PRKCE: variants seen among roughly 807,000 people sequenced by gnomAD.
The protein encoded by PRKCE is protein kinase C epsilon type.
PRKCE carries 16 observed loss-of-function variants against 85.4 expected under a neutral mutation model. That is an observed-to-expected ratio of 0.19 (90% CI 0.13 to 0.28). The LOEUF is 0.28. Among genes scored for constraint, PRKCE ranks in the 10% least tolerant of loss-of-function variants. PRKCE has a pLI of 1.00. For missense variants in PRKCE, 573 were observed against 975.2 expected, an observed-to-expected ratio of 0.59 and a Z score of 5.49; for synonymous variants, 388 against 371.5, an observed-to-expected ratio of 1.04 and a Z score of -0.51.
chr2:46,056,279 G>C (rs1041545442), intron 10 of PRKCE, among the ~76,000 whole-genome samples: 3 of 150,672 alleles, frequency 2.0e-5, no homozygotes, highest in Non-Finnish European at 4.4e-5. Context: ...TGGCTTTCAG[G>C]CCCATCAGTT....
At chr2:46,121,552 C>T (rs1412374219) in intron 11 of PRKCE, among the ~76,000 whole-genome samples, 2 of 152,072 alleles carry the variant, frequency 1.3e-5, no homozygotes, top group African/African-American at 4.8e-5. Context: ...ATAGAGGGGC[C>T]CATAGGGAAT....
intron 1 of PRKCE, among the ~76,000 whole-genome samples, chr2:45,740,791 A>G (rs1682493289): frequency 6.6e-6 from 1 of 152,194 alleles, no homozygotes; most frequent in Non-Finnish European, 1.5e-5. Flanking sequence ...TTCTGATTCT[A>G]CCTGGGTTCA....
chr2:45,976,341 A>G (rs2104531276), intron 2 of PRKCE, 88 bp from the exon 3 acceptor site: 1 of 1,451,300 alleles, frequency 6.9e-7, no homozygotes. Flanking sequence ...CCACTCCCCC[A>G]GGGATGGAGT....
intron 5 of PRKCE, among the ~76,000 whole-genome samples, chr2:45,983,750 T>C (rs1204341004): frequency 6.6e-6 from 1 of 152,076 alleles, no homozygotes; most frequent in African/African-American, 2.4e-5. Flanking sequence ...CTTAGCATTC[T>C]TAGTGCTCAC....
chr2:46,026,086 A>C (rs546937184), intron 10 of PRKCE, among the ~76,000 whole-genome samples: 17 of 152,336 alleles, frequency 1.1e-4, no homozygotes, highest in Admixed American at 7.8e-4. Flanking sequence ...TCTTTGAGCT[A>C]ATTGTTAATT....
intron 2 of PRKCE, among the ~76,000 whole-genome samples, chr2:45,879,700 C>T (rs1694742532): frequency 6.6e-6 from 1 of 152,208 alleles, no homozygotes; most frequent in South Asian, 2.1e-4. Context: ...GAGTTGAGAG[C>T]TGTGGGCTGA....
chr2:45,780,716 C>T (rs140809005), intron 1 of PRKCE, among the ~76,000 whole-genome samples: 23 of 152,368 alleles, frequency 1.5e-4, no homozygotes, highest in Non-Finnish European at 2.9e-4. Flanking sequence ...CACCCAATCC[C>T]ACCATCTGGT....
chr2:45,748,455 G>A (rs1683306157), intron 1 of PRKCE, among the ~76,000 whole-genome samples: 1 of 152,188 alleles, frequency 6.6e-6, no homozygotes, highest in African/African-American at 2.4e-5. Flanking sequence ...CTTCTTCTCT[G>A]GATTTCATTA....
intron 2 of PRKCE, among the ~76,000 whole-genome samples, chr2:45,872,572 G>A (rs948847297): frequency 6.6e-6 from 1 of 152,220 alleles, no homozygotes; most frequent in Non-Finnish European, 1.5e-5. Flanking sequence ...CCAGGCCAGT[G>A]ATGACAGTGG....
intron 2 of PRKCE, among the ~76,000 whole-genome samples, chr2:45,846,372 G>A (rs1252577857): frequency 6.6e-6 from 1 of 152,150 alleles, no homozygotes; most frequent in Non-Finnish European, 1.5e-5. Context: ...GGGACTGATA[G>A]GTTCTTCTTC....
intron 1 of PRKCE, among the ~76,000 whole-genome samples, chr2:45,663,782 CA>C (rs552804514): frequency 8.7e-4 from 118 of 134,874 alleles, no homozygotes; most frequent in South Asian, 4.1e-3. Flanking sequence ...GACTCCGTCT[CA>C]AAAAAAAAAA....
chr2:45,900,786 G>A (rs1005598634), intron 2 of PRKCE, among the ~76,000 whole-genome samples: 2 of 152,204 alleles, frequency 1.3e-5, no homozygotes, highest in Non-Finnish European at 2.9e-5. Context: ...ATTTACCACT[G>A]TAAAAATCTT....
chr2:45,669,891 A>G (rs909908873), intron 1 of PRKCE, among the ~76,000 whole-genome samples: 1 of 152,140 alleles, frequency 6.6e-6, no homozygotes, highest in Admixed American at 6.5e-5. Flanking sequence ...GGTGCCAGTA[A>G]TCCCAGCTAT....
intron 1 of PRKCE, among the ~76,000 whole-genome samples, chr2:45,689,010 C>T (rs1677516167): frequency 1.3e-5 from 2 of 152,216 alleles, no homozygotes; most frequent in Non-Finnish European, 2.9e-5. Context: ...AACATAAGAA[C>T]ACAAGGAAAA....
chr2:45,829,402 G>A (rs1306846137), intron 1 of PRKCE, among the ~76,000 whole-genome samples: 1 of 152,110 alleles, frequency 6.6e-6, no homozygotes, highest in Non-Finnish European at 1.5e-5. Flanking sequence ...GAGTTTTGGG[G>A]TTTTTGTTTG....
chr2:45,874,263 G>A (rs1199680506), intron 2 of PRKCE, among the ~76,000 whole-genome samples: 2 of 152,228 alleles, frequency 1.3e-5, no homozygotes, highest in Non-Finnish European at 2.9e-5. Flanking sequence ...TTGTCTGCCT[G>A]CAGGAATATT....
chr2:45,834,895 A>T (rs1428516241), intron 1 of PRKCE, among the ~76,000 whole-genome samples: 1 of 152,224 alleles, frequency 6.6e-6, no homozygotes, highest in African/African-American at 2.4e-5. Context: ...TTTATATATG[A>T]GGAAGTTCAG....
At chr2:46,014,240 A>G (rs1705935159) in intron 10 of PRKCE, among the ~76,000 whole-genome samples, 1 of 152,206 alleles carries the variant, frequency 6.6e-6, no homozygotes, top group South Asian at 2.1e-4. Context: ...AGTAACCTGA[A>G]CCATGTAGGG....
At chr2:45,834,583 C>CATGTGTGT (rs201816575) in intron 1 of PRKCE, among the ~76,000 whole-genome samples, 8,437 of 149,392 alleles carry the variant, frequency 0.056, 352 homozygotes, top group African/African-American at 0.11. Context: ...CACGTGTGCG[C>CATGTGTGT]ATGTGTGTAT....
Sources: gnomAD v4.1 joint callset for allele counts (sites outside exome capture counted in the v4.1 genomes callset) on GRCh38, gnomAD v4.1.1 for gene constraint, MANE v1.5 for transcripts, NCBI Gene and HGNC (gene_info 2026-07-23, HGNC 2026-07-21) for gene names.